TBC1D14: variants seen among roughly 807,000 people sequenced by gnomAD.
The protein encoded by TBC1D14 is TBC1 domain family, member 14.
TBC1D14 carries 26 observed loss-of-function variants against 79.0 expected under a neutral mutation model. The observed-to-expected ratio is 0.33, with a 90% CI of 0.24 to 0.46. The LOEUF (loss-of-function observed/expected upper bound fraction) is 0.46. Among genes scored for constraint, TBC1D14 ranks in the 20% least tolerant of loss-of-function variants. The pLI is 1.00. For synonymous variants in TBC1D14, 394 were observed against 349.9 expected, an observed-to-expected ratio of 1.13 and a Z score of -1.40; for missense variants, 769 against 887.6, an observed-to-expected ratio of 0.87 and a Z score of 1.70.
At chr4:7,004,142 A>G (rs1222421913) in intron 7 of TBC1D14, among the ~76,000 whole-genome samples, 3 of 152,202 alleles carry the variant, frequency 2.0e-5, no homozygotes, top group Non-Finnish European at 4.4e-5. Flanking sequence ...GCACGGATAT[A>G]CCTGTGGAGG....
Position 7,020,589 on chromosome 4 carries a change from G to A in TBC1D14, c.1758-4415G>A, listed in dbSNP as rs556545081. On this transcript the variant is annotated intron_variant, in intron 12 of 13. Coordinates refer to ENST00000409757, the MANE Select transcript of TBC1D14 (RefSeq NM_020773.3). ...ATGTTGGGCCTTGAAGGTCCAAGTT[G>A]CTGGTTTTGGCTTCTTAATGGGTGA... Among the ~76,000 whole-genome samples, 10 of 152,324 alleles carry A rather than the reference G, an allele frequency of 6.6e-5. No individual in the cohort carries two copies. In the East Asian group the frequency reaches 7.7e-4, roughly 12 times the overall value.
In TBC1D14 at chr4:6,924,248, C is replaced by T. The variant is rs984874217; in HGVS notation, c.722+137C>T. ...TCACACAGATAATTGGGTCTTTTCC[C>T]AGAAGCCCGGAATCCTGTGGGATTG... On this transcript the variant is annotated intron_variant, in intron 2 of 13. Coordinates refer to ENST00000409757, the MANE Select transcript of TBC1D14 (RefSeq NM_020773.3). 3 of 1,199,916 alleles carry T rather than the reference C, an allele frequency of 2.5e-6. No individual in the cohort carries two copies. The African/African-American group carries it at 5.4e-5, about 22-fold the overall frequency. The allele number at this position is 1,199,916 out of a possible 1,614,324, so 74.3% of individuals were successfully genotyped here.
chr4:6,921,360 C>G (rs972510387), intron 1 of TBC1D14, among the ~76,000 whole-genome samples: 39 of 151,982 alleles, frequency 2.6e-4, no homozygotes, highest in African/African-American at 8.9e-4. Flanking sequence ...AGACGTGCCA[C>G]CACACCCAGC....
intron 11 of TBC1D14, among the ~76,000 whole-genome samples, chr4:7,013,996 G>A (rs1049967468): frequency 9.9e-5 from 15 of 152,214 alleles, no homozygotes; most frequent in Non-Finnish European, 1.5e-4. Context: ...TGATCCACCC[G>A]CCTCGGCCTC....
At chr4:6,954,399 G>A (rs1233517576) in intron 2 of TBC1D14, 6 of 717,352 alleles carry the variant, frequency 8.4e-6, no homozygotes, top group Admixed American at 8.0e-5. Context: ...TGGAAGCAGA[G>A]TCTTTCCTGC....
chr4:6,919,465 A>G (rs1398238485), intron 1 of TBC1D14, among the ~76,000 whole-genome samples: 1 of 151,776 alleles, frequency 6.6e-6, no homozygotes, highest in Non-Finnish European at 1.5e-5. Flanking sequence ...CTTTTGTATT[A>G]AATTCTACTT....
chr4:6,913,364 C>T (rs890000166), intron 1 of TBC1D14, among the ~76,000 whole-genome samples: 1 of 152,192 alleles, frequency 6.6e-6, no homozygotes, highest in African/African-American at 2.4e-5. Flanking sequence ...GTTAAGTGTT[C>T]AGCTTATCGA....
In TBC1D14 at chr4:6,967,420, A is replaced by G; in HGVS notation, c.839A>G (p.Gln280Arg). Residue 280 changes from glutamine to arginine, a missense_variant, in exon 3 of 14, where the codon CAG becomes CGG. Gln to Arg is a conservative substitution (Grantham distance 43). This residue lies in a region of TBC1D14 where 402 missense variants were observed against 393.2 expected (regional missense o/e 1.02). Transcript: ENST00000409757. ...GCCCAGAAGGATTCAAAGAGAATACAGAAGGTACACAAGATACAAAATCAC... is the reference window on the plus strand; with the variant it reads ...GCCCAGAAGGATTCAAAGAGAATACGGAAGGTACACAAGATACAAAATCAC... Reference protein sequence around the residue: ...ENAQKDSKRIQKEYEDKAGRP... With the variant: ...ENAQKDSKRIRKEYEDKAGRP... 2 of 1,613,342 alleles carry G rather than the reference A, an allele frequency of 1.2e-6. No homozygotes were observed. The highest frequency in any genetic ancestry group is 1.7e-6 in the Non-Finnish European group (2 of 1,179,914).
intron 3 of TBC1D14, among the ~76,000 whole-genome samples, chr4:6,986,640 C>T (rs1051106221): frequency 6.6e-6 from 1 of 152,128 alleles, no homozygotes; most frequent in Non-Finnish European, 1.5e-5. Flanking sequence ...ACCTGGGGCC[C>T]GCGGCTGACC....
chr4:7,008,627 G>T (rs879657893), intron 9 of TBC1D14, among the ~76,000 whole-genome samples: 11 of 152,186 alleles, frequency 7.2e-5, no homozygotes, highest in Non-Finnish European at 1.6e-4. Context: ...TGGCCAGGCT[G>T]GTCTCGAACT....
chr4:6,921,214 T>C (rs147397878), intron 1 of TBC1D14, among the ~76,000 whole-genome samples: 2 of 152,084 alleles, frequency 1.3e-5, no homozygotes, highest in African/African-American at 2.4e-5. Context: ...TTTTTATTTA[T>C]TTATTTTTGA....
intron 1 of TBC1D14, among the ~76,000 whole-genome samples, chr4:6,915,084 G>A (rs1429695075): frequency 1.3e-5 from 2 of 152,136 alleles, no homozygotes; most frequent in African/African-American, 4.8e-5. Flanking sequence ...TGGTGCTTGT[G>A]GAGCCCTCTA....
intron 12 of TBC1D14, among the ~76,000 whole-genome samples, chr4:7,019,532 C>T (rs990760529): frequency 6.6e-6 from 1 of 151,914 alleles, no homozygotes; most frequent in South Asian, 2.1e-4. Context: ...GCGTCCCCTG[C>T]CTGCACTGGG....
At chr4:6,994,005 A>T (rs553702835) in intron 3 of TBC1D14, among the ~76,000 whole-genome samples, 179 bp from the exon 4 acceptor site, 64 of 152,300 alleles carry the variant, frequency 4.2e-4, no homozygotes, top group African/African-American at 1.5e-3. Flanking sequence ...GCGAGACTCC[A>T]TCTCCAGAAA....
At chr4:6,977,491 C>T (rs2109081991) in intron 3 of TBC1D14, among the ~76,000 whole-genome samples, 1 of 148,546 alleles carries the variant, frequency 6.7e-6, no homozygotes, top group Admixed American at 6.7e-5. Context: ...CTCCCAGCTG[C>T]CTGCCTTGGC....
intron 11 of TBC1D14, among the ~76,000 whole-genome samples, chr4:7,012,875 C>T (rs1249379575): frequency 2.0e-5 from 3 of 152,150 alleles, no homozygotes; most frequent in South Asian, 2.1e-4. Flanking sequence ...CTTGAGGAAG[C>T]GTTCTTACTC....
At chr4:6,954,130 C>A (rs1714385073) in intron 2 of TBC1D14, 5 of 601,888 alleles carry the variant, frequency 8.3e-6, no homozygotes, top group Non-Finnish European at 1.5e-5. Flanking sequence ...CCCGCCTTTC[C>A]GCCGGCCTGC....
intron 2 of TBC1D14, among the ~76,000 whole-genome samples, chr4:6,925,457 G>T (rs1033653005): frequency 1.2e-4 from 18 of 152,036 alleles, no homozygotes; most frequent in African/African-American, 3.9e-4. Context: ...GTGGTGTGCC[G>T]GCTGGAGTCA....
intron 3 of TBC1D14, among the ~76,000 whole-genome samples, chr4:6,976,807 A>G (rs1716749774): frequency 6.6e-6 from 1 of 152,194 alleles, no homozygotes; most frequent in Non-Finnish European, 1.5e-5. Flanking sequence ...CTTTAAATAT[A>G]CAATAACAAT....
Sources: allele counts gnomAD v4.1 joint callset (sites outside exome capture counted in the v4.1 genomes callset), GRCh38; gene constraint gnomAD v4.1.1; regional missense constraint gnomAD v4.1.1; transcripts MANE v1.5; gene names NCBI Gene and HGNC (gene_info 2026-07-23, HGNC 2026-07-21).